The following INTS4 variants were observed in gnomAD, a reference collection of about 807,000 sequenced individuals.
The protein encoded by INTS4 is integrator complex subunit 4.
In INTS4, 70 loss-of-function variants were observed where a neutral mutation model predicts 119.5. That is an observed-to-expected ratio of 0.59 (90% CI 0.48 to 0.71). The LOEUF (loss-of-function observed/expected upper bound fraction) is 0.71. Ranked by LOEUF, INTS4 falls within the 30% of genes least tolerant of loss-of-function variation. The pLI, the probability that INTS4 is intolerant of heterozygous loss-of-function variation, is 0.00. For synonymous variants in INTS4, 316 were observed against 419.6 expected (o/e 0.75, Z 3.02); for missense variants, 867 against 1,173.2 (o/e 0.74, Z 3.81).
At chr11:77,903,912 G>A (rs1050458233) in intron 16 of INTS4, among the ~76,000 whole-genome samples, 1 of 152,138 alleles carries the variant, frequency 6.6e-6, no homozygotes, top group Non-Finnish European at 1.5e-5. Context: ...ACCAGAATGC[G>A]CAGGCAAGCC....
intron 4 of INTS4, among the ~76,000 whole-genome samples, chr11:77,968,345 T>A (rs1855579404): frequency 6.6e-6 from 1 of 152,218 alleles, no homozygotes; most frequent in Non-Finnish European, 1.5e-5. Flanking sequence ...CATGTTACAA[T>A]GTGGATGAAC....
chr11:77,960,613 A>C (rs1954444983), intron 5 of INTS4, among the ~76,000 whole-genome samples: 1 of 152,168 alleles, frequency 6.6e-6, no homozygotes, highest in Non-Finnish European at 1.5e-5. Context: ...GTATTAGAAA[A>C]ATATGAAATA....
chr11:77,976,403 C>T (rs895585883), intron 4 of INTS4, among the ~76,000 whole-genome samples: 2 of 152,150 alleles, frequency 1.3e-5, no homozygotes, highest in African/African-American at 4.8e-5. Context: ...AAAGTCTAGG[C>T]CAGGCACTGT....
At chr11:77,900,554 T>C (rs1289907100) in intron 18 of INTS4, 8 of 652,850 alleles carry the variant, frequency 1.2e-5, no homozygotes, top group Non-Finnish European at 2.2e-5. Flanking sequence ...TATGGCACTT[T>C]TTTTTTTTTG....
chr11:77,924,617 G>C, intron 12 of INTS4, 133 bp downstream of exon 12: 4 of 685,986 alleles, frequency 5.8e-6, no homozygotes, highest in Non-Finnish European at 9.9e-6. Context: ...CGGTTAAGTT[G>C]AATCAGGTTT....
rs1360566972 is a variant in INTS4 at position 77,924,711 on chromosome 11, T to C, written c.1514+39A>G. The C allele has an allele frequency of 3.8e-6, 6 of 1,573,702 alleles. No individual in the cohort carries two copies. The South Asian group carries it at 6.7e-5, about 17-fold the overall frequency. The stretch of plus-strand genomic sequence containing the variant: ...TGTCAGCATTATACATTTACCACAT[T>C]ATGGGACTCAGTGAGTAAATGGGCA... On this transcript the variant is annotated intron_variant, in intron 12 of 22. Transcript: ENST00000534064.
intron 14 of INTS4, among the ~76,000 whole-genome samples, chr11:77,920,709 G>A (rs1391568615): frequency 7.2e-5 from 11 of 151,786 alleles, no homozygotes; most frequent in South Asian, 2.1e-4. Flanking sequence ...AAAATTAGCC[G>A]GGCGTGGTGG....
intron 14 of INTS4, among the ~76,000 whole-genome samples, chr11:77,919,775 G>T (rs1953294654): frequency 6.6e-6 from 1 of 152,120 alleles, no homozygotes. Context: ...GGAGGAGAGA[G>T]CAAAGAGTAT....
intron 1 of INTS4, among the ~76,000 whole-genome samples, chr11:77,993,213 G>T (rs2136675918): frequency 6.6e-6 from 1 of 152,294 alleles, no homozygotes. Flanking sequence ...TCCGACTGGT[G>T]GGAAGATAGG....
Position 77,943,492 on chromosome 11 carries a change from T to G in INTS4, c.919-2241A>C, listed in dbSNP as rs1245513232. Among the ~76,000 whole-genome samples the G allele has an allele frequency of 2.0e-5, 3 of 152,184 alleles. No homozygotes were observed. In the East Asian group the frequency reaches 5.8e-4, roughly 29 times the overall value. ...AAAAACTATTCCCAAATTCCTCTGG[T>G]TCATGACTTAGCAGATGATAGCATC... On this transcript the variant is annotated intron_variant, in intron 8 of 22. Coordinates refer to ENST00000534064, the MANE Select transcript of INTS4 (RefSeq NM_033547.4).
At chr11:77,962,213 G>A (rs1465878922) in intron 4 of INTS4, among the ~76,000 whole-genome samples, 1 of 152,190 alleles carries the variant, frequency 6.6e-6, no homozygotes, top group African/African-American at 2.4e-5. Flanking sequence ...AGCCTCGGAG[G>A]TGGAGGCTGC....
rs777434800 is a variant in INTS4 at position 77,982,136 on chromosome 11, C to CTTTTT, written c.247-565_247-561dup. Among the ~76,000 whole-genome samples, 1,020 of 131,290 alleles carry CTTTTT rather than the reference C, an allele frequency of 7.8e-3. 9 individuals carry two copies. Among genetic ancestry groups the CTTTTT allele is most frequent in the Non-Finnish European group, 0.014 (827 of 60,880 alleles). 86.1% of individuals were successfully genotyped at this position (131,290 alleles called of 152,430 possible). A position where few individuals can be genotyped will look rare whatever the true frequency, so the allele number is the denominator to read the frequency against. On this transcript the variant is annotated intron_variant, in intron 2 of 22. Coordinates refer to ENST00000534064, the MANE Select transcript of INTS4 (RefSeq NM_033547.4). The stretch of plus-strand genomic sequence containing the variant: ...AGAAAGAATCTTTCATTCTACCTGT[C>CTTTTT]TTTTTTTTTTTTTTTTTTTGAAACA...
Position 77,979,072 on chromosome 11 carries a change from T to C in INTS4, c.395A>G (p.Asp132Gly). 6.2e-7 allele frequency: 1 copy of C among 1,612,856 alleles called. No homozygotes were observed. Among genetic ancestry groups the C allele is most frequent in the Non-Finnish European group, 8.5e-7 (1 of 1,179,046 alleles). The change falls in exon 4 of 23, where the codon GAT (aspartate) becomes GGT (glycine). Residue 132 changes from aspartate (D) to glycine (G), a missense_variant. Asp to Gly is a moderately conservative substitution (Grantham distance 94). Coordinates refer to ENST00000534064, the MANE Select transcript of INTS4 (RefSeq NM_033547.4). ...KSHQVLAQLLDTLLAIGTKLP... is the reference protein window; with the variant it reads ...KSHQVLAQLLGTLLAIGTKLP... ...CTTAGTGCCAATTGCAAGCAAAGTA[T>C]CCAGCAGTTGAGCTAGGACTTGATG... is the stretch of plus-strand genomic sequence containing the variant.
At position 77,961,252 on chromosome 11, in the gene INTS4, G is replaced by A. The variant is rs981753121; in HGVS notation, c.472-114C>T. ...CAAAAGCATTGCAGCAACCTTAGGG[G>A]TGATTTCAAGACCTATATTCTTAGG... On this transcript the variant is annotated intron_variant, in intron 4 of 22. Coordinates refer to ENST00000534064, the MANE Select transcript of INTS4 (RefSeq NM_033547.4). 6.1e-6 allele frequency: 8 copies of A among 1,316,302 alleles called. No individual in the cohort carries two copies. In the African/African-American group the frequency reaches 1.2e-4, roughly 20 times the overall value. The allele number at this position is 1,316,302 out of a possible 1,614,324, so 81.5% of individuals were successfully genotyped here.
chr11:77,894,403 G>A (rs1356195768), intron 18 of INTS4, 54 bp from the exon 19 acceptor site: 25 of 946,778 alleles, frequency 2.6e-5, no homozygotes, highest in Non-Finnish European at 3.9e-5. Flanking sequence ...AACTGAGGAG[G>A]ACCAAAAGTC....
chr11:77,916,698 T>C (rs1289745280), intron 15 of INTS4, among the ~76,000 whole-genome samples: 1 of 152,232 alleles, frequency 6.6e-6, no homozygotes. Flanking sequence ...ACTACGAAAC[T>C]GACATGCTCA....
intron 15 of INTS4, among the ~76,000 whole-genome samples, chr11:77,911,776 T>C (rs1291682114): frequency 6.6e-6 from 1 of 152,238 alleles, no homozygotes; most frequent in Non-Finnish European, 1.5e-5. Context: ...GCACATTCTA[T>C]GTGCACTGTA....
rs780796856 is a variant in INTS4 at position 77,878,789 on chromosome 11, T to A, written c.*160A>T. The A allele has an allele frequency of 6.9e-6, 5 of 719,890 alleles. No homozygotes were observed. Among genetic ancestry groups the A allele is most frequent in the Non-Finnish European group, 1.3e-5 (5 of 399,756 alleles). The allele number at this position is 719,890 out of a possible 1,614,324, so 44.6% of individuals were successfully genotyped here. On this transcript the variant is annotated 3_prime_UTR_variant, in exon 23 of 23. Coordinates refer to ENST00000534064, the MANE Select transcript of INTS4 (RefSeq NM_033547.4). ...GACTTGAAGGTTTTTTATTTTTTAA[T>A]GAAGAAACAATTTATCCTGTGTTTG...
rs1407985392 is a variant in INTS4, at chr11:77,879,268, C to T, written c.2714-141G>A. ...TCTACATTCCCTCCCCTTACCCTCA[C>T]CAAACAAAACACTGAGCCTGCAGAT... On this transcript the variant is annotated intron_variant, in intron 22 of 22. Transcript: ENST00000534064. The T allele has an allele frequency of 7.2e-6, 6 of 832,088 alleles. No homozygotes were observed. The African/African-American group carries it at 1.0e-4, about 14-fold the overall frequency. The allele number at this position is 832,088 out of a possible 1,614,324, so 51.5% of individuals were successfully genotyped here. A position where few individuals can be genotyped will look rare whatever the true frequency, so the allele number is the denominator to read the frequency against.
Sources: allele counts gnomAD v4.1 joint callset (sites outside exome capture counted in the v4.1 genomes callset), GRCh38; gene constraint gnomAD v4.1.1; transcripts MANE v1.5; gene names NCBI Gene and HGNC (gene_info 2026-07-23, HGNC 2026-07-21).